The following KLHL20 variants were observed in gnomAD, a reference collection of about 807,000 sequenced individuals.
KLHL20 encodes the protein kelch-like protein 20.
KLHL20 carries 29 observed loss-of-function variants against 69.5 expected under a neutral mutation model. The observed-to-expected ratio is 0.42, with a 90% CI of 0.31 to 0.57. KLHL20 has a LOEUF of 0.57. KLHL20 is among the 20% of genes least tolerant of loss of function. The pLI is 0.18. For missense variants in KLHL20, 419 were observed against 776.0 expected, an observed-to-expected ratio of 0.54 and a Z score of 5.47; for synonymous variants, 253 against 265.2, an observed-to-expected ratio of 0.95 and a Z score of 0.45.
chr1:173,719,442 C>G (rs1454730702), intron 2 of KLHL20, among the ~76,000 whole-genome samples: 1 of 152,048 alleles, frequency 6.6e-6, no homozygotes, highest in Non-Finnish European at 1.5e-5. Context: ...GAAACCCCTT[C>G]TCTACTAAAA....
intron 8 of KLHL20, among the ~76,000 whole-genome samples, chr1:173,773,760 T>A (rs887021028): frequency 1.8e-4 from 28 of 152,016 alleles, no homozygotes; most frequent in African/African-American, 6.8e-4. Flanking sequence ...ACGCCTGTAA[T>A]CCCAGCACTT....
chr1:173,752,168 G>A (rs192936497), intron 4 of KLHL20, among the ~76,000 whole-genome samples: 6 of 150,466 alleles, frequency 4.0e-5, no homozygotes, highest in Admixed American at 3.3e-4. Context: ...ACCAGGAGGC[G>A]AAGATTGCAG....
At chr1:173,733,522 A>G (rs540229187) in intron 2 of KLHL20, among the ~76,000 whole-genome samples, 191 bp from the exon 3 acceptor site, 2 of 152,238 alleles carry the variant, frequency 1.3e-5, no homozygotes, top group East Asian at 3.9e-4. Flanking sequence ...TGGAGGCAAC[A>G]GGATCACTTG....
intron 3 of KLHL20, among the ~76,000 whole-genome samples, chr1:173,738,929 A>G (rs563442560): frequency 2.6e-5 from 4 of 152,120 alleles, no homozygotes; most frequent in Non-Finnish European, 5.9e-5. Context: ...ATCTATGTTC[A>G]TCAGGGATAC....
intron 7 of KLHL20, among the ~76,000 whole-genome samples, chr1:173,759,012 T>G (rs1323524517): frequency 6.6e-6 from 1 of 152,042 alleles, no homozygotes; most frequent in African/African-American, 2.4e-5. Flanking sequence ...GGAAACAGAC[T>G]CAGAGTTGTG....
At chr1:173,779,034 T>C (rs911485342) in intron 10 of KLHL20, among the ~76,000 whole-genome samples, 2 of 152,148 alleles carry the variant, frequency 1.3e-5, no homozygotes, top group Admixed American at 6.5e-5. Flanking sequence ...TGCATTGTTA[T>C]GTTATTTGAA....
At chr1:173,785,074 TGTTAATAACATCTTAGTCGTA>T (rs1336442585) in intron 11 of KLHL20, 68 bp from the exon 12 acceptor site, 3 of 962,934 alleles carry the variant, frequency 3.1e-6, no homozygotes, top group East Asian at 2.7e-5. Flanking sequence ...CATAGAAACG[TGTTAATAACATCTTAGTCGTA>T]GTTAATAACA....
chr1:173,779,350 CTTTTT>C (rs375083476), intron 10 of KLHL20, among the ~76,000 whole-genome samples: 1 of 131,434 alleles, frequency 7.6e-6, no homozygotes, highest in Non-Finnish European at 1.6e-5. Context: ...AGGATTTCTC[CTTTTT>C]TTTTTTTTTT....
intron 2 of KLHL20, among the ~76,000 whole-genome samples, chr1:173,719,109 A>AAAAAAAAAAAC: frequency 6.6e-6 from 1 of 151,918 alleles, no homozygotes; most frequent in African/African-American, 2.4e-5. Context: ...CGTCTCAAAA[A>AAAAAAAAAAAC]AAAAAAGAAA....
intron 7 of KLHL20, among the ~76,000 whole-genome samples, chr1:173,762,363 T>C (rs1647366878): frequency 6.6e-6 from 1 of 152,030 alleles, no homozygotes; most frequent in African/African-American, 2.4e-5. Context: ...CCCTCCCTAA[T>C]AATTCATAAT....
intron 7 of KLHL20, among the ~76,000 whole-genome samples, chr1:173,759,815 T>G (rs1348841548): frequency 6.6e-6 from 1 of 152,054 alleles, no homozygotes; most frequent in East Asian, 1.9e-4. Context: ...AAAACAAGGC[T>G]CTTCAACACC....
chr1:173,763,826 G>C (rs1340796259), intron 7 of KLHL20, among the ~76,000 whole-genome samples: 3 of 149,590 alleles, frequency 2.0e-5, no homozygotes, highest in African/African-American at 5.0e-5. Flanking sequence ...CATTGGCTTA[G>C]GCAAGGATTT....
intron 3 of KLHL20, among the ~76,000 whole-genome samples, chr1:173,745,041 A>C (rs1672988872): frequency 1.3e-5 from 2 of 152,148 alleles, no homozygotes; most frequent in South Asian, 4.1e-4. Context: ...AAGTAAACTT[A>C]AGAACAGTCA....
At chr1:173,763,336 A>G (rs777879875) in intron 7 of KLHL20, among the ~76,000 whole-genome samples, 2 of 152,168 alleles carry the variant, frequency 1.3e-5, no homozygotes, top group African/African-American at 2.4e-5. Context: ...ATTCAATGCA[A>G]TCACCATCAG....
chr1:173,730,073 T>C (rs1187070158), intron 2 of KLHL20, among the ~76,000 whole-genome samples: 2 of 152,008 alleles, frequency 1.3e-5, no homozygotes, highest in Non-Finnish European at 2.9e-5. Flanking sequence ...TATACACCAA[T>C]AACAGACAAA....
chr1:173,761,614 A>G (rs563551866), intron 7 of KLHL20, among the ~76,000 whole-genome samples: 1 of 152,238 alleles, frequency 6.6e-6, no homozygotes, highest in Non-Finnish European at 1.5e-5. Flanking sequence ...CATGGAAATT[A>G]AATAACCTGC....
chr1:173,739,076 T>C (rs1672669812), intron 3 of KLHL20, among the ~76,000 whole-genome samples: 1 of 152,090 alleles, frequency 6.6e-6, no homozygotes, highest in African/African-American at 2.4e-5. Flanking sequence ...TGGTACCAAG[T>C]CTTGTTTTTT....
intron 2 of KLHL20, among the ~76,000 whole-genome samples, chr1:173,733,360 T>C (rs1435472539): frequency 1.3e-5 from 2 of 152,226 alleles, no homozygotes; most frequent in Non-Finnish European, 2.9e-5. Context: ...AATTTAACTA[T>C]TAATTGAAGC....
Position 173,751,886 on chromosome 1 carries a change from A to G in KLHL20, c.720A>G (p.Lys240=). The change falls in exon 4 of 12, where the codon AAA becomes AAG. Residue 240 remains lysine (K), a synonymous_variant. Coordinates refer to ENST00000209884, the MANE Select transcript of KLHL20 (RefSeq NM_014458.4). ...QVFNAVMAWV[K]YSIQERRPQL... ...TCAATGCAGTGATGGCCTGGGTCAA[A>G]TACAGTATTCAGGAAAGACGTCCTC... 6.2e-7 allele frequency: 1 copy of G among 1,614,142 alleles called. No individual in the cohort carries two copies. The highest frequency in any genetic ancestry group is 8.5e-7 in the Non-Finnish European group (1 of 1,180,010).
Sources: gnomAD v4.1 joint callset for allele counts (sites outside exome capture counted in the v4.1 genomes callset) on GRCh38, gnomAD v4.1.1 for gene constraint, MANE v1.5 for transcripts, NCBI Gene and HGNC (gene_info 2026-07-23, HGNC 2026-07-21) for gene names.